MAGEB3: variants seen among roughly 807,000 people sequenced by gnomAD.
MAGEB3 encodes the protein melanoma-associated antigen B3.
For synonymous variants in MAGEB3, 91 were observed against 93.0 expected, an observed-to-expected ratio of 0.98 and a Z score of 0.12; for missense variants, 191 against 262.4, an observed-to-expected ratio of 0.73 and a Z score of 1.88.
chrX:30,231,154 C>CAA (rs753383524), intron 1 of MAGEB3, among the ~76,000 whole-genome samples: 66 of 87,306 alleles, frequency 7.6e-4, no homozygotes, highest in Admixed American at 2.8e-3. Flanking sequence ...CCTGTCTCTA[C>CAA]AAAAAAAAAA....
intron 4 of MAGEB3, among the ~76,000 whole-genome samples, chrX:30,235,176 A>G (rs1383818083): frequency 1.8e-5 from 2 of 111,422 alleles, no homozygotes; most frequent in Non-Finnish European, 3.8e-5. Flanking sequence ...AGAGACAACA[A>G]AGATTCCCCC....
chrX:30,237,434 A>G lies in MAGEB3; in HGVS notation c.*469A>G, dbSNP rs899328312. On this transcript the variant is annotated 3_prime_UTR_variant, in exon 5 of 5. Coordinates refer to ENST00000361644, the MANE Select transcript of MAGEB3 (RefSeq NM_002365.5). ...GAAAATGAAAGATAAATAACCATAT[A>G]TGTCTGGCTTACTTAAGAATGTAGA... 8.0e-6 allele frequency: 1 copy of G among 125,360 alleles called. No homozygotes were observed. Among genetic ancestry groups the G allele is most frequent in the Non-Finnish European group, 1.8e-5 (1 of 54,801 alleles). The allele number at this position is 125,360 out of a possible 1,213,427, so 10.3% of individuals were successfully genotyped here. A position where few individuals can be genotyped will look rare whatever the true frequency, so the allele number is the denominator to read the frequency against.
rs1925003695 is a variant in MAGEB3 at position 30,237,065 on chromosome X, AC to A, written c.*102del. ...TACTGGAGGGAACACACTGTATAAT[AC>A]CTTTTGTTTCTGTTCTAAATGGATA... On this transcript the variant is annotated 3_prime_UTR_variant, in exon 5 of 5. Transcript: ENST00000361644. 7.2e-6 allele frequency: 4 copies of A among 553,378 alleles called. No homozygotes were observed. In the East Asian group the frequency reaches 1.5e-4, roughly 20 times the overall value. The allele number at this position is 553,378 out of a possible 1,213,427, so 45.6% of individuals were successfully genotyped here.
chrX:30,231,961 A>G (rs1035222018), intron 2 of MAGEB3, among the ~76,000 whole-genome samples: 16 of 111,687 alleles, frequency 1.4e-4, no homozygotes, highest in African/African-American at 5.2e-4. Context: ...CCTAGGGACC[A>G]CTGACTCCAG....
Position 30,236,279 on chromosome X carries a change from G to A in MAGEB3, c.355G>A (p.Val119Met). 1.7e-6 allele frequency: 2 copies of A among 1,208,356 alleles called. No individual in the cohort carries two copies. Among genetic ancestry groups the A allele is most frequent in the Non-Finnish European group, 2.2e-6 (2 of 893,819 alleles). ...TCTAATCATGAAGACAAATATGTTG[G>A]TGCAGTTCCTGATGGAAATGTACAA... ...DPLIMKTNMLVQFLMEMYKMK... is the reference protein window; with the variant it reads ...DPLIMKTNMLMQFLMEMYKMK... The change falls in exon 5 of 5, where the codon GTG (valine) becomes ATG (methionine). Residue 119 changes from valine to methionine, a missense_variant. Coordinates refer to ENST00000361644, the MANE Select transcript of MAGEB3 (RefSeq NM_002365.5).
chrX:30,236,685 A>G lies in MAGEB3; in HGVS notation c.761A>G (p.Lys254Arg). The G allele has an allele frequency of 8.2e-7, 1 of 1,212,282 alleles. No homozygotes were observed. Among genetic ancestry groups the G allele is most frequent in the Non-Finnish European group, 1.1e-6 (1 of 895,610 alleles). The change falls in exon 5 of 5, where the codon AAG becomes AGG. Residue 254 changes from lysine to arginine, a missense_variant. Physicochemically the swap from Lys to Arg is conservative, Grantham distance 26. Transcript: ENST00000361644. ...PRKLITQDLV[K>R]LKYLEYRQVP... The stretch of plus-strand genomic sequence containing the variant: ...AAGCTCATCACCCAAGATTTGGTGA[A>G]GCTTAAATACCTGGAGTACCGACAA...
At chrX:30,233,469 C>T (rs748771711) in intron 4 of MAGEB3, 106 bp downstream of exon 4, 2 of 98,173 alleles carry the variant, frequency 2.0e-5, no homozygotes, top group East Asian at 6.4e-4. Context: ...ATATGAGGCC[C>T]ACCGGTGCTA....
Position 30,237,217 on chromosome X carries a change from G to A in MAGEB3, c.*252G>A. The A allele has an allele frequency of 3.5e-6, 1 of 288,665 alleles. No homozygotes were observed. Among genetic ancestry groups the A allele is most frequent in the Non-Finnish European group, 6.3e-6 (1 of 159,178 alleles). The allele number at this position is 288,665 out of a possible 1,213,427, so 23.8% of individuals were successfully genotyped here. A position where few individuals can be genotyped will look rare whatever the true frequency, so the allele number is the denominator to read the frequency against. ...TTAAGAGTAAAAATTTTGCTGTTTT[G>A]TAAAACAGATTGAGAAAAATTCGAT... On this transcript the variant is annotated 3_prime_UTR_variant, in exon 5 of 5. Coordinates refer to ENST00000361644, the MANE Select transcript of MAGEB3 (RefSeq NM_002365.5).
At chrX:30,234,325 CA>C (rs1924915049) in intron 4 of MAGEB3, among the ~76,000 whole-genome samples, 1 of 111,029 alleles carries the variant, frequency 9.0e-6, no homozygotes, top group Non-Finnish European at 1.9e-5. Context: ...AGTGAAGTCT[CA>C]TAGAGTTCCA....
Position 30,235,870 on chromosome X carries a change from G to A in MAGEB3, c.-55G>A. ...CTTTCTCTCTCTCCTCCAGGTGCCT[G>A]TATCACCTGCCCTTCTGCTGACACT... On this transcript the variant is annotated 5_prime_UTR_variant, in exon 5 of 5. Coordinates refer to ENST00000361644, the MANE Select transcript of MAGEB3 (RefSeq NM_002365.5). 5 of 945,613 alleles carry A rather than the reference G, an allele frequency of 5.3e-6. No individual in the cohort carries two copies. Among genetic ancestry groups the A allele is most frequent in the Non-Finnish European group, 7.4e-6 (5 of 676,888 alleles). The allele number at this position is 945,613 out of a possible 1,213,427, so 77.9% of individuals were successfully genotyped here.
chrX:30,233,793 C>A (rs1400077014), intron 4 of MAGEB3, among the ~76,000 whole-genome samples: 1 of 112,118 alleles, frequency 8.9e-6, no homozygotes, highest in Admixed American at 9.4e-5. Flanking sequence ...CAACTCCCTG[C>A]CCCTTACAAA....
intron 4 of MAGEB3, among the ~76,000 whole-genome samples, chrX:30,235,401 A>T (rs1924947512): frequency 9.0e-6 from 1 of 111,363 alleles, no homozygotes; most frequent in Admixed American, 9.5e-5. Flanking sequence ...GTAGGACTCC[A>T]CAATGCTGTT....
intron 2 of MAGEB3, among the ~76,000 whole-genome samples, chrX:30,231,892 G>A (rs2147335721): frequency 9.2e-6 from 1 of 108,869 alleles, no homozygotes; most frequent in Non-Finnish European, 1.9e-5. Flanking sequence ...GGCGGACTTC[G>A]CTCAGTAGAG....
At chrX:30,232,476 G>T (rs755058419) in intron 2 of MAGEB3, among the ~76,000 whole-genome samples, 1 of 104,241 alleles carries the variant, frequency 9.6e-6, no homozygotes, top group African/African-American at 3.5e-5. Flanking sequence ...AAAAAATGGC[G>T]GGGCAGCAGT....
At position 30,236,035 on chromosome X, in the gene MAGEB3, A is replaced by T; in HGVS notation, c.111A>T (p.Lys37Asn). ...GAQITATNKK[K>N]VSFSSPLILG... The stretch of plus-strand genomic sequence containing the variant: ...AGATCACTGCAACTAACAAGAAAAA[A>T]GTATCCTTTTCATCCCCTCTTATTT... Residue 37 changes from lysine (K) to asparagine (N), a missense_variant, in exon 5 of 5, where the codon AAA (lysine) becomes AAT (asparagine). Lys to Asn is a moderately conservative substitution (Grantham distance 94). Transcript: ENST00000361644. 8.3e-7 allele frequency: 1 copy of T among 1,211,347 alleles called. No homozygotes were observed. Among genetic ancestry groups the T allele is most frequent in the Non-Finnish European group, 1.1e-6 (1 of 895,173 alleles).
At chrX:30,232,404 C>T (rs1037692868) in intron 2 of MAGEB3, among the ~76,000 whole-genome samples, 4 of 108,109 alleles carry the variant, frequency 3.7e-5, no homozygotes, top group African/African-American at 1.4e-4. Context: ...CTGTTTGGGC[C>T]CCCCCAGGAG....
At position 30,233,282 on chromosome X, in the gene MAGEB3, T is replaced by C. The variant is rs1924870432; in HGVS notation, c.-143T>C. 1.0e-5 allele frequency: 1 copy of C among 98,359 alleles called. No individual in the cohort carries two copies. Among genetic ancestry groups the C allele is most frequent in the African/African-American group, 3.7e-5 (1 of 27,016 alleles). 8.1% of individuals were successfully genotyped at this position (98,359 alleles called of 1,213,427 possible). A position where few individuals can be genotyped will look rare whatever the true frequency, so the allele number is the denominator to read the frequency against. ...TTAAGGCAGGGCTCTGGCTCACGCT[T>C]GTAATCCCAACATTTTGGGAGGACG... On this transcript the variant is annotated 5_prime_UTR_variant, in exon 4 of 5. Transcript: ENST00000361644.
chrX:30,232,050 C>T (rs916927952), intron 2 of MAGEB3, among the ~76,000 whole-genome samples: 3 of 112,286 alleles, frequency 2.7e-5, no homozygotes, highest in African/African-American at 6.5e-5. Context: ...GCCTCACTTC[C>T]GCTTTGAAAG....
At chrX:30,235,622 T>G (rs1295958403) in intron 4 of MAGEB3, among the ~76,000 whole-genome samples, 1 of 111,559 alleles carries the variant, frequency 9.0e-6, no homozygotes, top group African/African-American at 3.3e-5. Flanking sequence ...CCACAAGGAC[T>G]AGACATGCCA....
Sources: allele counts gnomAD v4.1 joint callset (sites outside exome capture counted in the v4.1 genomes callset), GRCh38; gene constraint gnomAD v4.1.1; transcripts MANE v1.5; gene names NCBI Gene and HGNC (gene_info 2026-07-23, HGNC 2026-07-21).